Variants in TACC2 observed in about 807,000 individuals in gnomAD.
TACC2 encodes transforming acidic coiled-coil-containing protein 2.
Under a neutral mutation model 227.3 loss-of-function variants are expected in TACC2, and 137 were observed. That is an observed-to-expected ratio of 0.60 (90% CI 0.52 to 0.69). The LOEUF is 0.69. Among genes scored for constraint, TACC2 ranks in the 30% least tolerant of loss-of-function variants. The pLI, the probability that TACC2 is intolerant of heterozygous loss-of-function variation, is 0.00. For missense variants in TACC2, 3,470 were observed against 3,694.4 expected (o/e 0.94, Z 1.57); for synonymous variants, 1,523 against 1,487.5 (o/e 1.02, Z -0.55).
intron 3 of TACC2, among the ~76,000 whole-genome samples, chr10:122,065,206 T>C (rs2077254901): frequency 6.6e-6 from 1 of 152,234 alleles, no homozygotes; most frequent in African/African-American, 2.4e-5. Flanking sequence ...AGTGTCTCTG[T>C]AGTTTCTTAG....
At chr10:122,252,789 G>A (rs919048638) in intron 22 of TACC2, among the ~76,000 whole-genome samples, 2 of 152,084 alleles carry the variant, frequency 1.3e-5, no homozygotes, top group Admixed American at 1.3e-4. Flanking sequence ...CACCACGCCC[G>A]GCCAATAATA....
rs2091960576 is a variant in TACC2 at position 122,150,796 on chromosome 10, C to T, written c.5834+7090C>T. Among the ~76,000 whole-genome samples, 1 of 152,230 alleles carries T rather than the reference C, an allele frequency of 6.6e-6. No individual in the cohort carries two copies. The highest frequency in any genetic ancestry group is 6.5e-5 in the Admixed American group (1 of 15,288). On this transcript the variant is annotated intron_variant, in intron 7 of 22. Coordinates refer to ENST00000369005, the MANE Select transcript of TACC2 (RefSeq NM_206862.4). The surrounding 1 kb of genome is among the most constrained non-coding windows in gnomAD (Gnocchi z 4.0). ...GCGCTGGAGTCTAGGTGGAGTCATGCAGCGTTCCTGGGTCCTTTCTTCTGC... is the reference window on the plus strand; with the variant it reads ...GCGCTGGAGTCTAGGTGGAGTCATGTAGCGTTCCTGGGTCCTTTCTTCTGC...
intron 10 of TACC2, among the ~76,000 whole-genome samples, chr10:122,215,657 G>C (rs1318574381): frequency 2.0e-5 from 3 of 152,098 alleles, no homozygotes; most frequent in African/African-American, 7.2e-5. Flanking sequence ...CCCGAGAGTG[G>C]GAAGACGTTC....
chr10:122,142,803 G>A (rs2090812637), intron 6 of TACC2, among the ~76,000 whole-genome samples: 1 of 152,238 alleles, frequency 6.6e-6, no homozygotes, highest in Non-Finnish European at 1.5e-5. Flanking sequence ...TGGCTGGAGA[G>A]GCTGGGAGGG....
intron 16 of TACC2, among the ~76,000 whole-genome samples, chr10:122,232,956 A>G (rs2095787652): frequency 6.6e-6 from 1 of 152,222 alleles, no homozygotes; most frequent in African/African-American, 2.4e-5. Flanking sequence ...AATGAAAAAT[A>G]TCATATTGCA....
chr10:122,090,563 GA>G (rs1312413977), intron 5 of TACC2, among the ~76,000 whole-genome samples: 4,313 of 105,758 alleles, frequency 0.041, 84 homozygotes, highest in South Asian at 0.12. Context: ...AAAAAAAAAA[GA>G]AAAAAAAAAA....
intron 2 of TACC2, chr10:122,023,691 G>A (rs557400921): frequency 1.3e-5 from 2 of 152,004 alleles, no homozygotes; most frequent in South Asian, 4.2e-4. Context: ...TATACCTAAT[G>A]TAAATGACAA....
chr10:122,129,496 G>T (rs2087617720), intron 5 of TACC2, among the ~76,000 whole-genome samples: 1 of 152,096 alleles, frequency 6.6e-6, no homozygotes, highest in South Asian at 2.1e-4. Flanking sequence ...CAGCATATTT[G>T]CCCATGCCCT....
At position 122,082,232 on chromosome 10, in the gene TACC2, G is replaced by A. The variant is rs555890215; in HGVS notation, c.147-415G>A. ...TTGAGGTGGGAGCACTGCTTGAGCC[G>A]AGGAGGCCTAAGCTGCAGTAAGCTA... On this transcript the variant is annotated intron_variant, in intron 3 of 22. Coordinates refer to ENST00000369005, the MANE Select transcript of TACC2 (RefSeq NM_206862.4). 3.4e-4 allele frequency among the ~76,000 whole-genome samples: 52 copies of A among 152,284 alleles called. 1 individual carries two copies. The highest frequency in any genetic ancestry group is 1.0e-3 in the African/African-American group (43 of 41,558).
At chr10:122,115,721 C>CTG (rs1222139474) in intron 5 of TACC2, among the ~76,000 whole-genome samples, 1 of 151,468 alleles carries the variant, frequency 6.6e-6, no homozygotes, top group East Asian at 1.9e-4. Context: ...TGGGGAGCAC[C>CTG]TGTGTGTGTG....
intron 5 of TACC2, among the ~76,000 whole-genome samples, chr10:122,096,243 G>T (rs1409158077): frequency 6.6e-6 from 1 of 152,170 alleles, no homozygotes; most frequent in Non-Finnish European, 1.5e-5. Context: ...GCACCTGGGG[G>T]CTTGGCTTCA....
chr10:122,012,013 C>T (rs1463798054), intron 1 of TACC2, among the ~76,000 whole-genome samples: 1 of 152,012 alleles, frequency 6.6e-6, no homozygotes, highest in African/African-American at 2.4e-5. Context: ...TCTTGGCTCC[C>T]TGCAACCTCC....
rs748790404 is a variant in TACC2 at position 122,088,553 on chromosome 10, C to T, written c.5535C>T (p.Val1845=). The change falls in exon 5 of 23, where the codon GTC becomes GTT. Residue 1845 remains valine, a synonymous_variant. Transcript: ENST00000369005. ...ATGCTCCAAGAGTCATGGATAAAGT[C>T]ACTTCAGATGAGACCAGAGGTGCGG... The part of the protein sequence containing the change: ...KKDAPRVMDK[V]TSDETRGAEG... 16 of 1,613,650 alleles carry T rather than the reference C, an allele frequency of 9.9e-6. No homozygotes were observed. Among genetic ancestry groups the T allele is most frequent in the African/African-American group, 2.7e-5 (2 of 74,910 alleles).
chr10:122,223,053 C>CTT (rs35098612), intron 11 of TACC2, among the ~76,000 whole-genome samples: 1,825 of 93,976 alleles, frequency 0.019, 58 homozygotes, highest in African/African-American at 0.049. Context: ...CTCTCTCTCT[C>CTT]TTTTTTTTTT....
intron 1 of TACC2, among the ~76,000 whole-genome samples, chr10:121,994,455 G>A (rs1167713434): frequency 6.6e-6 from 1 of 152,212 alleles, no homozygotes; most frequent in Non-Finnish European, 1.5e-5. Flanking sequence ...CAGGCTCCCT[G>A]CTCCTTATTA....
intron 5 of TACC2, among the ~76,000 whole-genome samples, chr10:122,109,987 G>A (rs759144789): frequency 6.6e-6 from 1 of 152,060 alleles, no homozygotes; most frequent in Non-Finnish European, 1.5e-5. Context: ...AAAATCTTAT[G>A]TAGAACTTAA....
rs1444411645 is a variant in TACC2 at position 122,229,474 on chromosome 10, T to G, written c.8025T>G (p.Ala2675=). Residue 2675 remains alanine, a synonymous_variant, in exon 15 of 23, where the codon GCT becomes GCG. Coordinates refer to ENST00000369005, the MANE Select transcript of TACC2 (RefSeq NM_206862.4). The part of the protein sequence containing the change: ...DLAEKNPPLF[A]QKLQEELEFA... ...CAGAAAAGAACCCCCCACTATTCGC[T>G]CAGAAACTCCAGGTTTGTAGCCCAC... The G allele has an allele frequency of 6.2e-7, 1 of 1,613,824 alleles. No homozygotes were observed. The highest frequency in any genetic ancestry group is 8.5e-7 in the Non-Finnish European group (1 of 1,179,988).
chr10:122,059,072 G>T (rs758717142), intron 3 of TACC2, among the ~76,000 whole-genome samples: 69,227 of 127,176 alleles, frequency 0.54, 20,406 homozygotes, highest in Non-Finnish European at 0.63. Context: ...TGTTGTTGTT[G>T]TTGTTGTTGT....
intron 8 of TACC2, among the ~76,000 whole-genome samples, chr10:122,204,877 G>A (rs2095052211): frequency 6.6e-6 from 1 of 151,644 alleles, no homozygotes; most frequent in South Asian, 2.1e-4. Flanking sequence ...GCCAGGATCA[G>A]CCCAGGGCTG....
Sources: allele counts gnomAD v4.1 joint callset (sites outside exome capture counted in the v4.1 genomes callset), GRCh38; gene constraint gnomAD v4.1.1; non-coding constraint Gnocchi (gnomAD v3.1); transcripts MANE v1.5; gene names NCBI Gene and HGNC (gene_info 2026-07-23, HGNC 2026-07-21).